The following TSHZ3 variants were observed in gnomAD, a reference collection of about 807,000 sequenced individuals.
TSHZ3 encodes the protein teashirt zinc finger homeobox 3, also known as teashirt homolog 3.
TSHZ3 carries 10 observed loss-of-function variants against 64.5 expected under a neutral mutation model. The ratio of observed to expected loss-of-function variants is 0.16; its 90% CI spans 0.10 to 0.26. The LOEUF is 0.26. Ranked by LOEUF, TSHZ3 falls within the 10% of genes least tolerant of loss-of-function variation. The probability of loss-of-function intolerance (pLI) is 1.00; values close to 1 mark genes in which losing one functional copy is unlikely to be tolerated. For synonymous variants in TSHZ3, 608 were observed against 593.1 expected (o/e 1.03, Z -0.36); for missense variants, 1,242 against 1,421.7 (o/e 0.87, Z 2.03).
At chr19:31,349,913 C>T (rs1394065033), upstream of TSHZ3, among the ~76,000 whole-genome samples, 1 of 146,804 alleles carries the variant, frequency 6.8e-6, no homozygotes, top group Non-Finnish European at 1.5e-5. Flanking sequence ...GCCCCCGCCC[C>T]CGGCCCCAGG....
intron 1 of TSHZ3, among the ~76,000 whole-genome samples, chr19:31,347,730 C>T (rs978311938): frequency 9.9e-5 from 15 of 152,266 alleles, no homozygotes; most frequent in African/African-American, 3.6e-4. Flanking sequence ...TCCTAAGCCC[C>T]AAACCAACCC....
chr19:31,185,008 C>A (rs1974781150), intron 5 of TSHZ3, among the ~76,000 whole-genome samples: 1 of 151,920 alleles, frequency 6.6e-6, no homozygotes, highest in Non-Finnish European at 1.5e-5. Context: ...GGGTGAGCCT[C>A]AGAACTGTAC....
chr19:31,283,562 G>A (rs2145120584), intron 1 of TSHZ3, among the ~76,000 whole-genome samples: 1 of 152,338 alleles, frequency 6.6e-6, no homozygotes, highest in East Asian at 1.9e-4. Flanking sequence ...GTGCAGTGCA[G>A]AGTTTTGTTT....
chr19:31,161,671 G>T (rs1974375647), intron 5 of TSHZ3, among the ~76,000 whole-genome samples: 1 of 152,148 alleles, frequency 6.6e-6, no homozygotes, highest in Admixed American at 6.5e-5. Flanking sequence ...CCACCTCCTG[G>T]GCCCTGATGT....
intron 3 of TSHZ3, among the ~76,000 whole-genome samples, chr19:31,229,828 C>T (rs1975515747): frequency 6.6e-6 from 1 of 152,142 alleles, no homozygotes; most frequent in Non-Finnish European, 1.5e-5. Context: ...ACTTTGCAAG[C>T]TGTCAAAGAT....
chr19:31,248,821 A>G (rs187945120), intron 1 of TSHZ3, among the ~76,000 whole-genome samples: 4 of 151,878 alleles, frequency 2.6e-5, no homozygotes, highest in Non-Finnish European at 5.9e-5. Flanking sequence ...AAGGAAAAAG[A>G]AAAAGAAAAA....
intron 1 of TSHZ3, among the ~76,000 whole-genome samples, chr19:31,257,475 C>T (rs1374887807): frequency 1.3e-5 from 2 of 152,210 alleles, no homozygotes; most frequent in Non-Finnish European, 2.9e-5. Flanking sequence ...CCCAGCCAAT[C>T]GAAGGACACA....
intron 1 of TSHZ3, among the ~76,000 whole-genome samples, chr19:31,306,813 AAG>A (rs1222115047): frequency 6.6e-6 from 1 of 152,212 alleles, no homozygotes; most frequent in Non-Finnish European, 1.5e-5. Context: ...TATTAAAAGA[AAG>A]AGAAACATAC....
At chr19:31,296,698 T>C (rs1176327022) in intron 1 of TSHZ3, among the ~76,000 whole-genome samples, 5 of 152,144 alleles carry the variant, frequency 3.3e-5, no homozygotes, top group African/African-American at 9.7e-5. Flanking sequence ...CTCCTGTGTG[T>C]CAGGCTCTAT....
intron 6 of TSHZ3, among the ~76,000 whole-genome samples, chr19:31,154,075 G>A (rs371650464): frequency 2.6e-5 from 4 of 152,124 alleles, no homozygotes; most frequent in East Asian, 3.9e-4. Context: ...GCATGTTTCT[G>A]CTCATTTCTT....
intron 5 of TSHZ3, among the ~76,000 whole-genome samples, chr19:31,163,710 G>A (rs1349882339): frequency 6.6e-6 from 1 of 152,180 alleles, no homozygotes; most frequent in African/African-American, 2.4e-5. Flanking sequence ...CAATCTGGGT[G>A]ACAGAATGGA....
chr19:31,238,963 G>T (rs1053781894), intron 3 of TSHZ3, among the ~76,000 whole-genome samples: 1 of 151,852 alleles, frequency 6.6e-6, no homozygotes, highest in African/African-American at 2.4e-5. Context: ...TATTTCTATT[G>T]CTTATTTCCT....
chr19:31,187,127 T>G (rs1974823793), intron 5 of TSHZ3, among the ~76,000 whole-genome samples: 1 of 152,164 alleles, frequency 6.6e-6, no homozygotes, highest in Admixed American at 6.5e-5. Flanking sequence ...AGCATTTGTG[T>G]CACCCCAAAT....
intron 5 of TSHZ3, among the ~76,000 whole-genome samples, chr19:31,160,734 A>G (rs1459059805): frequency 6.6e-6 from 1 of 151,966 alleles, no homozygotes; most frequent in African/African-American, 2.4e-5. Context: ...ACACACACGT[A>G]TACACACACA....
chr19:31,216,573 C>T (rs947225361), intron 4 of TSHZ3, among the ~76,000 whole-genome samples: 4 of 151,866 alleles, frequency 2.6e-5, no homozygotes, highest in Admixed American at 6.6e-5. Context: ...CTCAGCCTCC[C>T]GGGTAGCTGG....
intron 1 of TSHZ3, among the ~76,000 whole-genome samples, chr19:31,333,788 G>T (rs898450864): frequency 6.6e-6 from 1 of 152,142 alleles, no homozygotes; most frequent in Admixed American, 6.5e-5. Context: ...GCGCGTTCCC[G>T]TTAAAAATGG....
intron 1 of TSHZ3, among the ~76,000 whole-genome samples, chr19:31,306,101 G>C (rs1292819455): frequency 6.6e-6 from 1 of 152,172 alleles, no homozygotes; most frequent in Non-Finnish European, 1.5e-5. Flanking sequence ...AGTGCCAGGC[G>C]GGGAGTGACG....
chr19:31,343,212 C>A (rs1917487071), intron 1 of TSHZ3, among the ~76,000 whole-genome samples: 1 of 152,156 alleles, frequency 6.6e-6, no homozygotes, highest in East Asian at 1.9e-4. Flanking sequence ...TAACATGTGT[C>A]CTGACAGTAT....
intron 5 of TSHZ3, among the ~76,000 whole-genome samples, chr19:31,177,158 A>G (rs1599562056): frequency 6.6e-6 from 1 of 152,186 alleles, no homozygotes; most frequent in South Asian, 2.1e-4. Context: ...ATAAACTGGG[A>G]CCTATCCAAG....
Sources: allele counts gnomAD v4.1 joint callset (sites outside exome capture counted in the v4.1 genomes callset), GRCh38; gene constraint gnomAD v4.1.1; transcripts MANE v1.5; gene names NCBI Gene and HGNC (gene_info 2026-07-23, HGNC 2026-07-21).